DDX19B: variants seen among roughly 807,000 people sequenced by gnomAD.
DDX19B encodes DEAD-box helicase 19B.
Under a neutral mutation model 58.1 loss-of-function variants are expected in DDX19B, and 27 were observed. That is an observed-to-expected ratio of 0.46 (90% CI 0.34 to 0.64). The LOEUF (loss-of-function observed/expected upper bound fraction) is 0.64, where lower values mean the gene tolerates loss of function less well. Ranked by LOEUF, DDX19B falls within the 30% of genes least tolerant of loss-of-function variation. The pLI is 0.01. For missense variants in DDX19B, 399 were observed against 596.5 expected, an observed-to-expected ratio of 0.67 and a Z score of 3.45; for synonymous variants, 187 against 214.4, an observed-to-expected ratio of 0.87 and a Z score of 1.12.
At chr16:70,329,796 C>T (rs1963384228) in intron 8 of DDX19B, 35 bp from the exon 9 acceptor site, 1 of 1,613,144 alleles carries the variant, frequency 6.2e-7, no homozygotes, top group Non-Finnish European at 8.5e-7. Context: ...TTCCCGGGGC[C>T]ACCTGGGGCC....
chr16:70,322,315 G>A (rs1009913317), intron 5 of DDX19B, among the ~76,000 whole-genome samples: 4 of 152,158 alleles, frequency 2.6e-5, no homozygotes, highest in African/African-American at 7.2e-5. Context: ...TGGCGGCTGG[G>A]CGCAGTGGCT....
intron 1 of DDX19B, among the ~76,000 whole-genome samples, chr16:70,304,139 C>A (rs1441047491): frequency 6.6e-6 from 1 of 150,702 alleles, no homozygotes; most frequent in Non-Finnish European, 1.5e-5. Flanking sequence ...CTCCGGGGTT[C>A]AAGCAATTCT....
At chr16:70,331,248 A>G (rs541146227) in intron 9 of DDX19B, among the ~76,000 whole-genome samples, 3 of 151,898 alleles carry the variant, frequency 2.0e-5, no homozygotes, top group Non-Finnish European at 4.4e-5. Context: ...GGGTCTTGCT[A>G]TGTTGTCCAG....
In DDX19B at chr16:70,329,382, C is replaced by G. The variant is rs138232298; in HGVS notation, c.698C>G (p.Pro233Arg). 6.2e-7 allele frequency: 1 copy of G among 1,613,980 alleles called. No homozygotes were observed. The highest frequency in any genetic ancestry group is 8.5e-7 in the Non-Finnish European group (1 of 1,179,986). The change falls in exon 8 of 12, where the codon CCC (proline) becomes CGC (arginine). Residue 233 changes from proline to arginine, a missense_variant. Physicochemically the swap from Pro to Arg is moderately radical, Grantham distance 103 (BLOSUM62 -2). Transcript: ENST00000288071. ...TGCTCCAAGCTCAAGTTCATTGATC[C>G]CAAGAAAATCAAGGTGTTTGTTCTG... ...DWCSKLKFID[P>R]KKIKVFVLDE...
chr16:70,309,170 A>G (rs1961939930), intron 1 of DDX19B, among the ~76,000 whole-genome samples: 1 of 152,134 alleles, frequency 6.6e-6, no homozygotes, highest in Non-Finnish European at 1.5e-5. Context: ...CAAAGCAGAA[A>G]GGGACCAGAA....
At position 70,333,689 on chromosome 16, in the gene DDX19B, A is replaced by G; in HGVS notation, c.*107A>G. The G allele has an allele frequency of 6.6e-7, 1 of 1,525,424 alleles. No individual in the cohort carries two copies. The highest frequency in any genetic ancestry group is 9.1e-7 in the Non-Finnish European group (1 of 1,104,724). The allele number at this position is 1,525,424 out of a possible 1,614,324, so 94.5% of individuals were successfully genotyped here. A position where few individuals can be genotyped will look rare whatever the true frequency, so the allele number is the denominator to read the frequency against. ...TCACCCCAAGGACAACGGCACAAGT[A>G]GAGAGAAACTACCTACCTCACTTCA... On this transcript the variant is annotated 3_prime_UTR_variant, in exon 12 of 12. Coordinates refer to ENST00000288071, the MANE Select transcript of DDX19B (RefSeq NM_007242.7).
upstream of DDX19B, among the ~76,000 whole-genome samples, chr16:70,298,243 TAAAAATAGA>T (rs570968460): frequency 1.4e-4 from 21 of 152,076 alleles, no homozygotes; most frequent in South Asian, 4.4e-3. Context: ...CCATCTCTAT[TAAAAATAGA>T]AAAACTAGCT....
chr16:70,333,469 A>C lies in DDX19B; in HGVS notation c.1379-52A>C, dbSNP rs1031044514. 29 of 1,613,672 alleles carry C rather than the reference A, an allele frequency of 1.8e-5. No homozygotes were observed. In the African/African-American group the frequency reaches 3.2e-4, roughly 18 times the overall value. ...GCTGAATGAATGATTGCTGTGGCCC[A>C]AGATGGGGCACATTCCTGGGCAGGG... On this transcript the variant is annotated intron_variant, in intron 11 of 11. Coordinates refer to ENST00000288071, the MANE Select transcript of DDX19B (RefSeq NM_007242.7).
chr16:70,299,985 C>T (rs928290566), intron 1 of DDX19B, among the ~76,000 whole-genome samples: 1 of 152,106 alleles, frequency 6.6e-6, no homozygotes, highest in Non-Finnish European at 1.5e-5. Context: ...GTGTTAAACA[C>T]TACTGCGTAG....
At chr16:70,300,717 A>T (rs1042835655) in intron 1 of DDX19B, among the ~76,000 whole-genome samples, 3 of 151,540 alleles carry the variant, frequency 2.0e-5, no homozygotes, top group African/African-American at 7.3e-5. Flanking sequence ...TTTTGTGAAG[A>T]CGAGGTCTCA....
chr16:70,327,950 G>A (rs952743292), intron 7 of DDX19B, among the ~76,000 whole-genome samples: 3 of 152,102 alleles, frequency 2.0e-5, no homozygotes, highest in Middle Eastern at 3.4e-3. Context: ...TTAGGAGTTC[G>A]AGACCAGCCT....
chr16:70,317,567 T>A lies in DDX19B; in HGVS notation c.368T>A (p.Leu123Ter). Residue 123 changes from leucine to a stop codon, truncating the protein, a stop_gained, in exon 5 of 12, where the codon TTG (leucine) becomes TAG (stop). Coordinates refer to ENST00000288071, the MANE Select transcript of DDX19B (RefSeq NM_007242.7). LOFTEE classifies it high-confidence loss of function. ...CCATCCAAGATACAAGAGAACGCATTGCCACTGATGCTTGCTGAGCCGTAT... is the reference window on the plus strand; with the variant it reads ...CCATCCAAGATACAAGAGAACGCATAGCCACTGATGCTTGCTGAGCCGTAT... ...NRPSKIQENA[L>*]PLMLAEPPQN... 1 of 1,613,012 alleles carries A rather than the reference T, an allele frequency of 6.2e-7. No individual in the cohort carries two copies. The highest frequency in any genetic ancestry group is 8.5e-7 in the Non-Finnish European group (1 of 1,179,264).
chr16:70,295,943 C>T (rs1282522364), upstream of DDX19B, among the ~76,000 whole-genome samples: 1 of 151,824 alleles, frequency 6.6e-6, no homozygotes, highest in Non-Finnish European at 1.5e-5. Context: ...AATCCACCCC[C>T]ACCCTTCTAG....
At position 70,324,581 on chromosome 16, in the gene DDX19B, G is replaced by T; in HGVS notation, c.390-4G>T. ...AGCTCCTAACTAGTTTGTTTCTTGC[G>T]CAGCCCACAGAACTTAATTGCCCAA... On this transcript the variant is annotated splice_polypyrimidine_tract_variant and splice_region_variant and intron_variant, in intron 5 of 11. Transcript: ENST00000288071. 1 of 1,610,940 alleles carries T rather than the reference G, an allele frequency of 6.2e-7. No homozygotes were observed. Among genetic ancestry groups the T allele is most frequent in the Non-Finnish European group, 8.5e-7 (1 of 1,179,148 alleles).
chr16:70,311,030 C>CA (rs59944573), intron 1 of DDX19B, among the ~76,000 whole-genome samples: 9,282 of 108,550 alleles, frequency 0.086, 380 homozygotes, highest in Middle Eastern at 0.2. Context: ...GACTCTGTCT[C>CA]AAAAAAAAAA....
At chr16:70,309,445 A>T (rs1961962886) in intron 1 of DDX19B, among the ~76,000 whole-genome samples, 1 of 152,112 alleles carries the variant, frequency 6.6e-6, no homozygotes, top group South Asian at 2.1e-4. Context: ...CAGTGAGCCA[A>T]GATCACGCCA....
At chr16:70,291,531 T>C (rs1961061154), upstream of DDX19B, among the ~76,000 whole-genome samples, 1 of 152,156 alleles carries the variant, frequency 6.6e-6, no homozygotes, top group Admixed American at 6.5e-5. Flanking sequence ...TTTTTTGGCC[T>C]AGCGTGGTGA....
At chr16:70,313,456 G>A (rs1251871621) in intron 2 of DDX19B, among the ~76,000 whole-genome samples, 2 of 152,102 alleles carry the variant, frequency 1.3e-5, no homozygotes, top group East Asian at 3.9e-4. Context: ...TGGTTTCAAA[G>A]TGTTTTTAAT....
Position 70,333,463 on chromosome 16 carries a change from T to C in DDX19B, c.1379-58T>C, listed in dbSNP as rs1963589490. On this transcript the variant is annotated intron_variant, in intron 11 of 11. Coordinates refer to ENST00000288071, the MANE Select transcript of DDX19B (RefSeq NM_007242.7). ...TTTGGGGCTGAATGAATGATTGCTG[T>C]GGCCCAAGATGGGGCACATTCCTGG... is the stretch of plus-strand genomic sequence containing the variant. 7.4e-6 allele frequency: 12 copies of C among 1,613,482 alleles called. No individual in the cohort carries two copies. The East Asian group carries it at 2.7e-4, about 36-fold the overall frequency.
Sources: allele counts gnomAD v4.1 joint callset (sites outside exome capture counted in the v4.1 genomes callset), GRCh38; gene constraint gnomAD v4.1.1; transcripts MANE v1.5; gene names NCBI Gene and HGNC (gene_info 2026-07-23, HGNC 2026-07-21).